The following IARS2 variants were observed in gnomAD, a reference collection of about 807,000 sequenced individuals.
IARS2 encodes the protein isoleucine--tRNA ligase, mitochondrial.
IARS2 carries 56 observed loss-of-function variants against 126.3 expected under a neutral mutation model. The observed-to-expected ratio is 0.44, with a 90% CI of 0.36 to 0.55. The LOEUF (loss-of-function observed/expected upper bound fraction) is 0.55. IARS2 is among the 20% of genes least tolerant of loss of function. The pLI, the probability that IARS2 is intolerant of heterozygous loss-of-function variation, is 0.00. For missense variants in IARS2, 1,127 were observed against 1,245.9 expected, an observed-to-expected ratio of 0.90 and a Z score of 1.44; for synonymous variants, 407 against 441.1, an observed-to-expected ratio of 0.92 and a Z score of 0.97.
chr1:220,110,709 T>G, intron 10 of IARS2, 77 bp from the exon 11 acceptor site: 3 of 1,142,528 alleles, frequency 2.6e-6, no homozygotes, highest in Non-Finnish European at 3.8e-6. Context: ...TTTAGTATTT[T>G]CTGGAAGTTT....
At chr1:220,113,862 A>G (rs1457278551) in intron 11 of IARS2, among the ~76,000 whole-genome samples, 1 of 152,190 alleles carries the variant, frequency 6.6e-6, no homozygotes, top group Non-Finnish European at 1.5e-5. Flanking sequence ...AAAATTAGGT[A>G]TATCGCAATC....
At chr1:220,106,276 A>G (rs1656679589) in intron 9 of IARS2, among the ~76,000 whole-genome samples, 1 of 152,216 alleles carries the variant, frequency 6.6e-6, no homozygotes, top group Non-Finnish European at 1.5e-5. Flanking sequence ...ATTGAAGAAT[A>G]TATATCATGG....
At chr1:220,132,013 G>A (rs1285320501) in intron 14 of IARS2, among the ~76,000 whole-genome samples, 1 of 151,598 alleles carries the variant, frequency 6.6e-6, no homozygotes, top group African/African-American at 2.4e-5. Context: ...AGCCAGGATG[G>A]TCTCGATCTC....
At chr1:220,134,371 G>GTT in intron 14 of IARS2, 31 bp from the exon 15 acceptor site, 7 of 1,379,724 alleles carry the variant, frequency 5.1e-6, no homozygotes, top group Non-Finnish European at 6.9e-6. Context: ...AAATTTCTGG[G>GTT]TTTTTTTTTC....
At chr1:220,135,254 T>C (rs1657348272) in intron 15 of IARS2, among the ~76,000 whole-genome samples, 1 of 152,248 alleles carries the variant, frequency 6.6e-6, no homozygotes, top group Non-Finnish European at 1.5e-5. Flanking sequence ...GTACACATAA[T>C]TACTTTTTCA....
At chr1:220,113,955 A>G (rs1333215402) in intron 11 of IARS2, among the ~76,000 whole-genome samples, 4 of 152,210 alleles carry the variant, frequency 2.6e-5, no homozygotes, top group African/African-American at 2.4e-5. Flanking sequence ...GATTTTAACT[A>G]TAGTTTAGTG....
intron 12 of IARS2, among the ~76,000 whole-genome samples, chr1:220,120,268 G>T (rs1282706361): frequency 6.6e-6 from 1 of 151,892 alleles, no homozygotes; most frequent in African/African-American, 2.4e-5. Flanking sequence ...ATTTAGTAGA[G>T]ATGGGGTTTC....
At chr1:220,131,418 C>G (rs544081463) in intron 14 of IARS2, among the ~76,000 whole-genome samples, 2 of 152,042 alleles carry the variant, frequency 1.3e-5, no homozygotes, top group South Asian at 4.1e-4. Flanking sequence ...ATGGCGTGAC[C>G]TGGGCTCACT....
At chr1:220,126,118 A>G (rs913316784) in intron 13 of IARS2, among the ~76,000 whole-genome samples, 4 of 151,070 alleles carry the variant, frequency 2.6e-5, no homozygotes, top group African/African-American at 4.9e-5. Context: ...AAAAAAAAAA[A>G]AAAAAGAAAA....
At chr1:220,103,059 G>A (rs1318372611) in intron 7 of IARS2, among the ~76,000 whole-genome samples, 1 of 150,160 alleles carries the variant, frequency 6.7e-6, no homozygotes, top group African/African-American at 2.5e-5. Context: ...TTTTTTTGGA[G>A]ACCGAGTTTT....
In IARS2 at chr1:220,140,234, C is replaced by T. The variant is rs759848681; in HGVS notation, c.2359C>T (p.Arg787Trp). Residue 787 changes from arginine to tryptophan, a missense_variant, in exon 19 of 23, where the codon CGG becomes TGG. By Grantham distance (101) the Arg-to-Trp change is moderately radical (BLOSUM62 -3). Transcript: ENST00000366922. ...YDFGKVVRLL[R>W]TFYTRELSNF... ...TTTTGGAAAAGTTGTTCGGCTGTTACGGACGTTTTATACCAGAGAGCTCTC... is the reference window on the plus strand; with the variant it reads ...TTTTGGAAAAGTTGTTCGGCTGTTATGGACGTTTTATACCAGAGAGCTCTC... The T allele has an allele frequency of 2.0e-5, 32 of 1,612,938 alleles. No individual in the cohort carries two copies. The highest frequency in any genetic ancestry group is 1.2e-4 in the South Asian group (11 of 91,070).
intron 14 of IARS2, among the ~76,000 whole-genome samples, chr1:220,128,830 A>G (rs1018016936): frequency 3.9e-5 from 6 of 152,042 alleles, no homozygotes; most frequent in African/African-American, 1.4e-4. Flanking sequence ...GGCGCTGTCA[A>G]GTGGGTTAAA....
At chr1:220,107,624 A>G (rs1269314420) in intron 10 of IARS2, among the ~76,000 whole-genome samples, 1 of 152,180 alleles carries the variant, frequency 6.6e-6, no homozygotes, top group Non-Finnish European at 1.5e-5. Context: ...ACTAAGACTA[A>G]GGCTATTTAG....
intron 20 of IARS2, 122 bp downstream of exon 20, chr1:220,142,070 T>A: frequency 1.1e-6 from 1 of 894,942 alleles, no homozygotes. Flanking sequence ...TGTGACACAG[T>A]GTGTCTTGGT....
At chr1:220,132,227 C>G (rs952892431) in intron 14 of IARS2, among the ~76,000 whole-genome samples, 1 of 152,170 alleles carries the variant, frequency 6.6e-6, no homozygotes, top group Non-Finnish European at 1.5e-5. Flanking sequence ...GTTTCCTCCT[C>G]TTCGATGCTC....
At chr1:220,131,473 T>C (rs1657265399) in intron 14 of IARS2, among the ~76,000 whole-genome samples, 1 of 151,906 alleles carries the variant, frequency 6.6e-6, no homozygotes, top group Admixed American at 6.6e-5. Context: ...TGCCTCAGCT[T>C]CCCAAGTAGC....
chr1:220,097,310 C>G (rs983369006), intron 2 of IARS2, among the ~76,000 whole-genome samples: 3 of 151,742 alleles, frequency 2.0e-5, no homozygotes, highest in African/African-American at 7.3e-5. Context: ...AGCACATTTC[C>G]CAGTAGTTTC....
At chr1:220,129,158 A>T (rs1657211526) in intron 14 of IARS2, among the ~76,000 whole-genome samples, 1 of 152,220 alleles carries the variant, frequency 6.6e-6, no homozygotes, top group South Asian at 2.1e-4. Context: ...CTGGGATTAC[A>T]GACGTGAGCC....
Position 220,125,270 on chromosome 1 carries a change from A to G in IARS2, c.1674A>G (p.Glu558=), listed in dbSNP as rs1657129091. The change falls in exon 13 of 23, where the codon GAA becomes GAG. Residue 558 remains glutamate (E), a synonymous_variant. Transcript: ENST00000366922. Reference sequence around the variant, plus strand: ...CTGAGCATATTGTTAAACTAGTGGAACAACACGGCAGTGATATCTGGTGGA... The same window carrying G: ...CTGAGCATATTGTTAAACTAGTGGAGCAACACGGCAGTGATATCTGGTGGA... ...QTTEHIVKLV[E]QHGSDIWWTL... is the part of the protein sequence containing the mutation. The G allele has an allele frequency of 1.9e-6, 3 of 1,613,628 alleles. No individual in the cohort carries two copies. The highest frequency in any genetic ancestry group is 2.5e-6 in the Non-Finnish European group (3 of 1,179,642).
Sources: allele counts gnomAD v4.1 joint callset (sites outside exome capture counted in the v4.1 genomes callset), GRCh38; gene constraint gnomAD v4.1.1; transcripts MANE v1.5; gene names NCBI Gene and HGNC (gene_info 2026-07-23, HGNC 2026-07-21).